The following SCHIP1 variants were observed in gnomAD, a reference collection of about 807,000 sequenced individuals.
SCHIP1 encodes schwannomin-interacting protein 1.
A neutral mutation model predicts 29.7 loss-of-function variants in SCHIP1; 8 were observed. The observed-to-expected ratio is 0.27, with a 90% confidence interval of 0.16 to 0.49. The LOEUF (loss-of-function observed/expected upper bound fraction) is 0.49, where lower values mean the gene tolerates loss of function less well. Ranked by LOEUF, SCHIP1 falls within the 20% of genes least tolerant of loss-of-function variation. SCHIP1 has a pLI of 0.99. For synonymous variants in SCHIP1, 76 were observed against 94.9 expected (o/e 0.80, Z 1.16); for missense variants, 193 against 294.6 (o/e 0.66, Z 2.52).
the SCHIP1 span, among the ~76,000 whole-genome samples, chr3:159,582,728 A>T: frequency 6.6e-6 from 1 of 151,714 alleles, no homozygotes. Flanking sequence ...GTCTGGAACC[A>T]AACTCAATAT....
the SCHIP1 span, among the ~76,000 whole-genome samples, chr3:159,565,720 G>T: frequency 6.6e-6 from 1 of 152,108 alleles, no homozygotes; most frequent in Admixed American, 6.5e-5. Flanking sequence ...AAGCTGGATT[G>T]TATTCTCTTA....
the SCHIP1 span, among the ~76,000 whole-genome samples, chr3:159,776,667 A>G: frequency 1.3e-5 from 2 of 152,256 alleles, no homozygotes; most frequent in Non-Finnish European, 2.9e-5. Context: ...CTACTGTGGT[A>G]TAGTGATCTA....
the SCHIP1 span, among the ~76,000 whole-genome samples, chr3:159,314,888 C>G: frequency 2.0e-5 from 3 of 152,102 alleles, no homozygotes; most frequent in Non-Finnish European, 2.9e-5. Context: ...ATATTACAGC[C>G]TATTTATCTG....
At chr3:159,287,932 G>A in the SCHIP1 span, among the ~76,000 whole-genome samples, 1 of 152,138 alleles carries the variant, frequency 6.6e-6, no homozygotes, top group Non-Finnish European at 1.5e-5. Flanking sequence ...ACAGCTTCAT[G>A]TATGATATCA....
At chr3:159,442,728 C>T in the SCHIP1 span, among the ~76,000 whole-genome samples, 3 of 152,008 alleles carry the variant, frequency 2.0e-5, no homozygotes, top group Non-Finnish European at 4.4e-5. Context: ...GAGGCAGTGG[C>T]CTTGCTAAGA....
chr3:159,804,551 C>G, the SCHIP1 span, among the ~76,000 whole-genome samples: 9 of 152,316 alleles, frequency 5.9e-5, no homozygotes, highest in African/African-American at 2.2e-4. Context: ...CATTTATTTG[C>G]TGCTGTGATG....
the SCHIP1 span, among the ~76,000 whole-genome samples, chr3:159,789,346 G>C: frequency 6.6e-6 from 1 of 152,196 alleles, no homozygotes. Context: ...ACTTTATGGA[G>C]AGTAATCTGT....
the SCHIP1 span, among the ~76,000 whole-genome samples, chr3:159,778,770 C>G: frequency 6.6e-6 from 1 of 152,156 alleles, no homozygotes; most frequent in Non-Finnish European, 1.5e-5. Flanking sequence ...TGCCTTGCCT[C>G]TATCCCTCCT....
chr3:159,632,440 C>G, the SCHIP1 span, among the ~76,000 whole-genome samples: 3 of 152,156 alleles, frequency 2.0e-5, no homozygotes, highest in Non-Finnish European at 2.9e-5. Flanking sequence ...CTGGGACTCC[C>G]TCTCCCTCAG....
the SCHIP1 span, among the ~76,000 whole-genome samples, chr3:159,802,247 G>T: frequency 1.1e-4 from 17 of 152,296 alleles, no homozygotes; most frequent in African/African-American, 3.8e-4. Flanking sequence ...CTGAAAAAGA[G>T]GTTAAGTCAC....
intron 6 of SCHIP1, chr3:159,894,365 T>C (rs557215269): frequency 6.6e-6 from 1 of 152,364 alleles, no homozygotes; most frequent in African/African-American, 2.4e-5. Flanking sequence ...AAATCAGGAC[T>C]GTTCCCAAGG....
the SCHIP1 span, among the ~76,000 whole-genome samples, chr3:159,378,253 T>C: frequency 6.6e-5 from 10 of 152,340 alleles, no homozygotes; most frequent in African/African-American, 2.4e-4. Flanking sequence ...TAATTCATTC[T>C]GTAGAGCTGG....
the SCHIP1 span, among the ~76,000 whole-genome samples, chr3:159,408,917 T>C: frequency 1.3e-5 from 2 of 152,030 alleles, no homozygotes; most frequent in African/African-American, 4.8e-5. Flanking sequence ...AATTCAACAA[T>C]ACATTAGAAA....
the SCHIP1 span, among the ~76,000 whole-genome samples, chr3:159,680,062 A>G: frequency 3.3e-5 from 5 of 151,988 alleles, no homozygotes; most frequent in African/African-American, 1.2e-4. Context: ...GAAACACACT[A>G]CGTGCGTTAC....
the SCHIP1 span, among the ~76,000 whole-genome samples, chr3:159,391,476 T>C: frequency 1.4e-4 from 21 of 152,296 alleles, no homozygotes; most frequent in East Asian, 4.1e-3. Flanking sequence ...CCTTTAGATA[T>C]CTAGGCGCAG....
At chr3:159,680,651 T>C in the SCHIP1 span, among the ~76,000 whole-genome samples, 5 of 54,150 alleles carry the variant, frequency 9.2e-5, no homozygotes, top group African/African-American at 3.2e-4. Context: ...ATATAATATA[T>C]GTATATATAA....
At chr3:159,566,823 T>C in the SCHIP1 span, among the ~76,000 whole-genome samples, 1 of 152,180 alleles carries the variant, frequency 6.6e-6, no homozygotes, top group Non-Finnish European at 1.5e-5. Flanking sequence ...CCTAAGTACA[T>C]GTGCTAGTTT....
the SCHIP1 span, among the ~76,000 whole-genome samples, chr3:159,806,273 A>T: frequency 6.6e-6 from 1 of 152,222 alleles, no homozygotes; most frequent in African/African-American, 2.4e-5. Context: ...ATTTTTTATT[A>T]TAAGCAGATC....
the SCHIP1 span, among the ~76,000 whole-genome samples, chr3:159,677,584 A>C: frequency 3.7e-4 from 56 of 152,230 alleles, no homozygotes; most frequent in Admixed American, 2.0e-4. Context: ...AGATGATTTT[A>C]ACAATTTAGT....
Sources: allele counts gnomAD v4.1 joint callset (sites outside exome capture counted in the v4.1 genomes callset), GRCh38; gene constraint gnomAD v4.1.1; transcripts MANE v1.5; gene names NCBI Gene and HGNC (gene_info 2026-07-23, HGNC 2026-07-21).